The following ZP2 variants were observed in gnomAD, a reference collection of about 807,000 sequenced individuals.
The protein encoded by ZP2 is zona pellucida sperm-binding protein 2.
A neutral mutation model predicts 84.0 loss-of-function variants in ZP2; 51 were observed. The ratio of observed to expected loss-of-function variants is 0.61; its 90% CI spans 0.49 to 0.77. The LOEUF is 0.77. ZP2 is among the 30% of genes least tolerant of loss of function. The pLI, the probability that ZP2 is intolerant of heterozygous loss-of-function variation, is 0.00. For synonymous variants in ZP2, 375 were observed against 330.9 expected (o/e 1.13, Z -1.45); for missense variants, 909 against 911.9 (o/e 1.00, Z 0.04).
chr16:21,205,814 A>AG, intron 5 of ZP2, 39 bp from the exon 6 acceptor site: 1 of 1,608,874 alleles, frequency 6.2e-7, no homozygotes, highest in Non-Finnish European at 8.5e-7. Flanking sequence ...TTTGATTTGG[A>AG]GGTAGATGTT....
upstream of ZP2, among the ~76,000 whole-genome samples, chr16:21,211,922 C>A (rs1431964248): frequency 5.4e-5 from 8 of 147,430 alleles, no homozygotes; most frequent in South Asian, 1.7e-3. Flanking sequence ...CTTGTTCACA[C>A]CACTACATTT....
In ZP2 at chr16:21,206,969, T is replaced by C; in HGVS notation, c.352A>G (p.Ile118Val). Residue 118 changes from isoleucine (I) to valine (V), a missense_variant, in exon 5 of 19, where the codon ATC becomes GTC. Physicochemically the swap from Ile to Val is conservative, Grantham distance 29. Transcript: ENST00000574091. Reference sequence around the variant, plus strand: ...GCAGCACTGTTGTTCATGACTCTGATGGTCATCTGGTGTCCACCATGCTGT... The same window carrying C: ...GCAGCACTGTTGTTCATGACTCTGACGGTCATCTGGTGTCCACCATGCTGT... The part of the protein sequence containing the change: ...RRVHGGHQMT[I>V]RVMNNSAALR... The C allele has an allele frequency of 6.2e-7, 1 of 1,614,166 alleles. No homozygotes were observed. The highest frequency in any genetic ancestry group is 8.5e-7 in the Non-Finnish European group (1 of 1,180,022).
chr16:21,206,321 C>G (rs991506516), intron 5 of ZP2, among the ~76,000 whole-genome samples: 7 of 152,128 alleles, frequency 4.6e-5, no homozygotes, highest in African/African-American at 1.7e-4. Context: ...AAACGTTTGC[C>G]CTTTCACCAA....
At chr16:21,199,317 T>C (rs1434663242) in intron 16 of ZP2, among the ~76,000 whole-genome samples, 283 of 14,206 alleles carry the variant, frequency 0.02, 2 homozygotes, top group African/African-American at 0.13. Context: ...CAAAACTGTC[T>C]CAAAAAAAAA....
chr16:21,202,108 T>C lies in ZP2; in HGVS notation c.1283A>G (p.Tyr428Cys). ...HIPLNGCGTR[Y>C]KFEDDKVVYE... is the part of the protein sequence containing the mutation. ...GTGCCATCTGCCAGTACTAACCTTA[T>C]ATCTCGTTCCACATCCATTCAGGGG... Residue 428 changes from tyrosine to cysteine, a missense_variant, in exon 11 of 19, where the codon TAT (tyrosine) becomes TGT (cysteine). Physicochemically the swap from Tyr to Cys is radical, Grantham distance 194 (BLOSUM62 -2). Transcript: ENST00000574091. 1 of 1,613,362 alleles carries C rather than the reference T, an allele frequency of 6.2e-7. No homozygotes were observed. The highest frequency in any genetic ancestry group is 8.5e-7 in the Non-Finnish European group (1 of 1,179,598).
intron 3 of ZP2, 52 bp downstream of exon 3, chr16:21,210,057 C>T (rs907899339): frequency 1.3e-6 from 2 of 1,547,420 alleles, no homozygotes; most frequent in East Asian, 2.2e-5. Flanking sequence ...TTGACCTAAG[C>T]CAAAGGCTGT....
At chr16:21,211,857 C>T (rs573048626), upstream of ZP2, 37 of 1,163,770 alleles carry the variant, frequency 3.2e-5, no homozygotes, top group South Asian at 5.3e-4. Context: ...AAATTATTTA[C>T]AACTGCAATG....
At chr16:21,207,635 AACACACACACACACACACACAC>A (rs10530241) in intron 4 of ZP2, among the ~76,000 whole-genome samples, 11 of 143,862 alleles carry the variant, frequency 7.6e-5, no homozygotes, top group East Asian at 2.1e-4. Flanking sequence ...ATATATATTA[AACACACACACACACACACACAC>A]ACACACACAC....
chr16:21,207,069 A>C, intron 4 of ZP2, 79 bp from the exon 5 acceptor site: 1 of 1,559,162 alleles, frequency 6.4e-7, no homozygotes, highest in African/African-American at 1.4e-5. Context: ...GACCCATCTG[A>C]GTGGGAAAAC....
rs1449714458 is a variant in ZP2 at position 21,197,862 on chromosome 16, TGA to T, written c.2012-15_2012-14del. 1 of 1,613,708 alleles carries T rather than the reference TGA, an allele frequency of 6.2e-7. No homozygotes were observed. The highest frequency in any genetic ancestry group is 8.5e-7 in the Non-Finnish European group (1 of 1,179,612). On this transcript the variant is annotated splice_polypyrimidine_tract_variant and intron_variant, in intron 17 of 18. Coordinates refer to ENST00000574091, the MANE Select transcript of ZP2 (RefSeq NM_001376232.1). ...GATGAGCCGACACCTGGGAAGAACC[TGA>T]GAGTTTAGTACAACATCTTCATGCT... is the stretch of plus-strand genomic sequence containing the variant.
chr16:21,209,705 G>C lies in ZP2; in HGVS notation c.256C>G (p.Pro86Ala), dbSNP rs777300303. 1.2e-6 allele frequency: 2 copies of C among 1,614,134 alleles called. No homozygotes were observed. The highest frequency in any genetic ancestry group is 1.1e-5 in the South Asian group (1 of 91,084). ...SVVDPLGLDM[P>A]NCTYILDPEK... is the part of the protein sequence containing the mutation. ...GGGTCCAGGATGTAAGTGCAGTTCG[G>C]CATGTCGAGACCAAGAGGATCTGCC... is the stretch of plus-strand genomic sequence containing the variant. Residue 86 changes from proline (P) to alanine (A), a missense_variant, in exon 4 of 19, where the codon CCG becomes GCG. Pro to Ala is a conservative substitution (Grantham distance 27). Transcript: ENST00000574091.
chr16:21,205,532 G>A lies in ZP2; in HGVS notation c.581C>T (p.Ala194Val). The change falls in exon 7 of 19, where the codon GCC (alanine) becomes GTC (valine). Residue 194 changes from alanine (A) to valine (V), a missense_variant. By Grantham distance (64) the Ala-to-Val change is moderately conservative (BLOSUM62 0). Coordinates refer to ENST00000574091, the MANE Select transcript of ZP2 (RefSeq NM_001376232.1). ...GGCCTCTGGCAGGGTCAGAGTTTTG[G>A]CTCTTGCACCATCACCAACCTCAAT... ...WSIEVGDGAR[A>V]KTLTLPEAMK... is the part of the protein sequence containing the mutation. 1 of 1,614,010 alleles carries A rather than the reference G, an allele frequency of 6.2e-7. No homozygotes were observed. Among genetic ancestry groups the A allele is most frequent in the Non-Finnish European group, 8.5e-7 (1 of 1,179,990 alleles).
At chr16:21,204,870 T>C (rs2093242495) in intron 7 of ZP2, among the ~76,000 whole-genome samples, 1 of 152,170 alleles carries the variant, frequency 6.6e-6, no homozygotes, top group Non-Finnish European at 1.5e-5. Context: ...TATAAAACAA[T>C]ATAGGACAAT....
chr16:21,200,128 A>G (rs2093218443), intron 14 of ZP2, among the ~76,000 whole-genome samples: 2 of 152,180 alleles, frequency 1.3e-5, no homozygotes, highest in Admixed American at 6.5e-5. Flanking sequence ...AGTACAAATT[A>G]TATCATTTCA....
intron 4 of ZP2, among the ~76,000 whole-genome samples, chr16:21,208,752 T>C (rs542705550): frequency 6.6e-6 from 1 of 152,342 alleles, no homozygotes; most frequent in South Asian, 2.1e-4. Flanking sequence ...TTCCATCTCA[T>C]GTTGGGGTTC....
chr16:21,210,305 C>T (rs74755848), intron 2 of ZP2, 113 bp from the exon 3 acceptor site: 136,673 of 799,202 alleles, frequency 0.17, 12,825 homozygotes, highest in Non-Finnish European at 0.2. Flanking sequence ...AGGCAAGAAT[C>T]GTCCCCTACC....
At position 21,209,685 on chromosome 16, in the gene ZP2, C is replaced by T. The variant is rs758572694; in HGVS notation, c.276G>A (p.Leu92=). ...GLDMPNCTYI[L]DPEKLTLRAT... ...CCCTCAGGGTGAGCTTTTCTGGGTC[C>T]AGGATGTAAGTGCAGTTCGGCATGT... Residue 92 remains leucine (L), a synonymous_variant, in exon 4 of 19, where the codon CTG becomes CTA. Coordinates refer to ENST00000574091, the MANE Select transcript of ZP2 (RefSeq NM_001376232.1). The T allele has an allele frequency of 6.2e-7, 1 of 1,614,124 alleles. No homozygotes were observed. The highest frequency in any genetic ancestry group is 8.5e-7 in the Non-Finnish European group (1 of 1,180,014).
In ZP2 at chr16:21,199,838, G is replaced by A; in HGVS notation, c.1735C>T (p.Pro579Ser). 1.2e-6 allele frequency: 2 copies of A among 1,613,204 alleles called. No individual in the cohort carries two copies. The highest frequency in any genetic ancestry group is 1.7e-6 in the Non-Finnish European group (2 of 1,180,026). Residue 579 changes from proline to serine, a missense_variant, in exon 15 of 19, where the codon CCA becomes TCA. Coordinates refer to ENST00000574091, the MANE Select transcript of ZP2 (RefSeq NM_001376232.1). The part of the protein sequence containing the change: ...DLDNYQTTFH[P>S]VGSSVTHPDH... ...GGATGGGTCACAGAGGAGCCGACTGGATGGAAGGTGGTCTGGTAGTTGTCC... is the reference window on the plus strand; with the variant it reads ...GGATGGGTCACAGAGGAGCCGACTGAATGGAAGGTGGTCTGGTAGTTGTCC...
chr16:21,205,864 C>T (rs2093247401), intron 5 of ZP2, 89 bp from the exon 6 acceptor site: 1 of 1,329,340 alleles, frequency 7.5e-7, no homozygotes, highest in Non-Finnish European at 1.1e-6. Context: ...GTTGTCATAC[C>T]AAAAGGCCTG....
Sources: gnomAD v4.1 joint callset for allele counts (sites outside exome capture counted in the v4.1 genomes callset) on GRCh38, gnomAD v4.1.1 for gene constraint, MANE v1.5 for transcripts, NCBI Gene and HGNC (gene_info 2026-07-23, HGNC 2026-07-21) for gene names.